The following EEF2K variants were observed in gnomAD, a reference collection of about 807,000 sequenced individuals.
EEF2K encodes the protein alternative protein EEF2K.
A neutral mutation model predicts 93.8 loss-of-function variants in EEF2K; 70 were observed. The observed-to-expected ratio is 0.75, with a 90% CI of 0.62 to 0.91. The LOEUF (loss-of-function observed/expected upper bound fraction) is 0.91, where lower values mean the gene tolerates loss of function less well. Among genes scored for constraint, EEF2K ranks in the 40% least tolerant of loss-of-function variants. The pLI is 0.00. For synonymous variants in EEF2K, 376 were observed against 380.8 expected (o/e 0.99, Z 0.15); for missense variants, 935 against 972.9 (o/e 0.96, Z 0.52).
At chr16:22,234,925 T>G (rs1418683088) in intron 2 of EEF2K, among the ~76,000 whole-genome samples, 2 of 140,220 alleles carry the variant, frequency 1.4e-5, no homozygotes, top group Non-Finnish European at 3.0e-5. Flanking sequence ...CTGTTGCCCC[T>G]GCTGGAGTGC....
In EEF2K at chr16:22,266,681, G is replaced by A; in HGVS notation, c.1576-7G>A. The A allele has an allele frequency of 6.2e-7, 1 of 1,604,992 alleles. No individual in the cohort carries two copies. Among genetic ancestry groups the A allele is most frequent in the Non-Finnish European group, 8.5e-7 (1 of 1,174,926 alleles). On this transcript the variant is annotated splice_polypyrimidine_tract_variant and splice_region_variant and intron_variant, in intron 14 of 17. Transcript: ENST00000263026. ...CAGCCAGGCCGACACCGTAGTCTGT[G>A]TGGCAGGTCCATCTGGCCATGGTGC...
chr16:22,211,937 C>T (rs914985416), intron 1 of EEF2K, among the ~76,000 whole-genome samples: 1 of 149,064 alleles, frequency 6.7e-6, no homozygotes, highest in Admixed American at 6.7e-5. Context: ...TTGTTCAAGA[C>T]ACTCACATGG....
At chr16:22,222,094 A>T (rs1376732907) in intron 1 of EEF2K, among the ~76,000 whole-genome samples, 2 of 152,172 alleles carry the variant, frequency 1.3e-5, no homozygotes, top group East Asian at 1.9e-4. Flanking sequence ...AATTAAAAAT[A>T]AAAAGTTTCC....
intron 13 of EEF2K, chr16:22,265,346 C>G (rs1598199366): frequency 6.4e-6 from 1 of 156,906 alleles, no homozygotes; most frequent in South Asian, 1.9e-4. Flanking sequence ...CCACCCACCC[C>G]TCTAAGTGAT....
intron 1 of EEF2K, among the ~76,000 whole-genome samples, chr16:22,221,122 ATG>A (rs1319477984): frequency 1.4e-4 from 21 of 152,336 alleles, no homozygotes; most frequent in African/African-American, 5.1e-4. Context: ...ATAGAAATCA[ATG>A]TGTGGGTGGT....
At chr16:22,264,739 G>A in intron 12 of EEF2K, 79 bp from the exon 13 acceptor site, 1 of 1,551,802 alleles carries the variant, frequency 6.4e-7, no homozygotes, top group Non-Finnish European at 8.8e-7. Context: ...CCAGGGAGGA[G>A]GGCTGGACCA....
intron 13 of EEF2K, among the ~76,000 whole-genome samples, chr16:22,265,921 C>A (rs1328720555): frequency 6.6e-6 from 1 of 152,082 alleles, no homozygotes; most frequent in Non-Finnish European, 1.5e-5. Context: ...GGGGAGCTGG[C>A]GAAGGGGTTG....
intron 15 of EEF2K, among the ~76,000 whole-genome samples, chr16:22,270,971 CT>C (rs11290278): frequency 0.14 from 18,257 of 129,342 alleles, 1,265 homozygotes; most frequent in African/African-American, 0.29. Context: ...TTTTGTTTTT[CT>C]TTTTTTTTTT....
intron 16 of EEF2K, among the ~76,000 whole-genome samples, chr16:22,278,440 A>G (rs1436344602): frequency 6.6e-6 from 1 of 152,120 alleles, no homozygotes; most frequent in East Asian, 1.9e-4. Context: ...GAGTTGGAGG[A>G]AGAATCTTCC....
At chr16:22,249,391 A>G (rs907577268) in intron 4 of EEF2K, among the ~76,000 whole-genome samples, 4 of 152,084 alleles carry the variant, frequency 2.6e-5, no homozygotes, top group African/African-American at 4.8e-5. Flanking sequence ...TTAGTGTAAT[A>G]TACAATATAC....
At chr16:22,264,532 T>G (rs1463449923) in intron 12 of EEF2K, among the ~76,000 whole-genome samples, 1 of 152,086 alleles carries the variant, frequency 6.6e-6, no homozygotes, top group African/African-American at 2.4e-5. Context: ...TGGCTTTGTG[T>G]TGGGATCCTG....
chr16:22,212,814 A>C (rs935898059), intron 1 of EEF2K, among the ~76,000 whole-genome samples: 2 of 151,926 alleles, frequency 1.3e-5, no homozygotes, highest in Non-Finnish European at 2.9e-5. Flanking sequence ...TCTACAAAAA[A>C]TTTTTTAAAA....
intron 7 of EEF2K, 56 bp downstream of exon 7, chr16:22,256,953 T>C (rs1463278429): frequency 1.9e-6 from 3 of 1,603,152 alleles, no homozygotes; most frequent in East Asian, 2.2e-5. Context: ...GGTGAGATCC[T>C]GGCCAGGCTC....
At chr16:22,215,990 A>T (rs895635284) in intron 1 of EEF2K, among the ~76,000 whole-genome samples, 3 of 152,172 alleles carry the variant, frequency 2.0e-5, no homozygotes, top group African/African-American at 7.2e-5. Flanking sequence ...CACTGAAGGC[A>T]ATACAAGGTA....
At chr16:22,209,111 C>A (rs2046891669) in intron 1 of EEF2K, among the ~76,000 whole-genome samples, 1 of 152,192 alleles carries the variant, frequency 6.6e-6, no homozygotes, top group Non-Finnish European at 1.5e-5. Flanking sequence ...TCACTGCAAC[C>A]TCTGCCTCCC....
chr16:22,207,496 T>TAC, intron 1 of EEF2K, among the ~76,000 whole-genome samples: 1 of 152,242 alleles, frequency 6.6e-6, no homozygotes, highest in South Asian at 2.1e-4. Flanking sequence ...GTAAAATGGG[T>TAC]ACAGTATTAG....
intron 15 of EEF2K, among the ~76,000 whole-genome samples, chr16:22,270,711 T>C (rs2047570777): frequency 6.6e-6 from 1 of 152,098 alleles, no homozygotes; most frequent in East Asian, 1.9e-4. Flanking sequence ...CTCATGAAAC[T>C]GCTATTTTGG....
intron 1 of EEF2K, among the ~76,000 whole-genome samples, chr16:22,218,282 T>A (rs564924352): frequency 3.9e-5 from 6 of 152,212 alleles, no homozygotes; most frequent in Non-Finnish European, 7.3e-5. Flanking sequence ...CTGTGTCCAC[T>A]GTGGTTGTAG....
At chr16:22,213,660 G>A (rs2046935427) in intron 1 of EEF2K, among the ~76,000 whole-genome samples, 1 of 152,188 alleles carries the variant, frequency 6.6e-6, no homozygotes, top group African/African-American at 2.4e-5. Context: ...TGTCAGCATG[G>A]CTGTGTTCCT....
Sources: gnomAD v4.1 joint callset for allele counts (sites outside exome capture counted in the v4.1 genomes callset) on GRCh38, gnomAD v4.1.1 for gene constraint, MANE v1.5 for transcripts, NCBI Gene and HGNC (gene_info 2026-07-23, HGNC 2026-07-21) for gene names.